TYW1: variants seen among roughly 807,000 people sequenced by gnomAD.
The protein encoded by TYW1 is tRNA-yW synthesizing protein 1 homolog.
TYW1 carries 46 observed loss-of-function variants against 96.2 expected under a neutral mutation model. The observed-to-expected ratio is 0.48, with a 90% CI of 0.38 to 0.61. The LOEUF (loss-of-function observed/expected upper bound fraction) is 0.61. Ranked by LOEUF, TYW1 falls within the 20% of genes least tolerant of loss-of-function variation. The pLI is 0.00. For missense variants in TYW1, 684 were observed against 909.6 expected, an observed-to-expected ratio of 0.75 and a Z score of 3.19; for synonymous variants, 274 against 323.0, an observed-to-expected ratio of 0.85 and a Z score of 1.63.
At chr7:67,065,967 A>G (rs1795848905) in intron 9 of TYW1, among the ~76,000 whole-genome samples, 1 of 151,502 alleles carries the variant, frequency 6.6e-6, no homozygotes, top group Non-Finnish European at 1.5e-5. Flanking sequence ...TTGAGATCAC[A>G]CTACTGCACT....
chr7:67,060,671 A>G (rs1795668537), intron 9 of TYW1, among the ~76,000 whole-genome samples: 1 of 152,210 alleles, frequency 6.6e-6, no homozygotes, highest in South Asian at 2.1e-4. Context: ...GGTTTTGTTA[A>G]CTCACCAGCA....
In TYW1 at chr7:67,081,060, G is replaced by A. The variant is rs189206953; in HGVS notation, c.1275-2370G>A. On this transcript the variant is annotated intron_variant, in intron 10 of 15. Coordinates refer to ENST00000359626, the MANE Select transcript of TYW1 (RefSeq NM_018264.4). ...CCTACCAGTGAGTTTATACTTTTGT[G>A]TATTTTCATGATGGTAATTATTCTT... Among the ~76,000 whole-genome samples the A allele has an allele frequency of 2.8e-4, 37 of 134,194 alleles. 1 individual carries two copies. The highest frequency in any genetic ancestry group is 8.8e-4 in the African/African-American group (32 of 36,446). The allele number at this position is 134,194 out of a possible 152,430, so 88.0% of individuals were successfully genotyped here. A position where few individuals can be genotyped will look rare whatever the true frequency, so the allele number is the denominator to read the frequency against.
chr7:67,136,685 G>GTGTGTGTGTGTGTGTGTGTA (rs1554373539), intron 13 of TYW1, among the ~76,000 whole-genome samples: 1 of 122,264 alleles, frequency 8.2e-6, no homozygotes, highest in East Asian at 2.1e-4. Context: ...GTGTGTGTGT[G>GTGTGTGTGTGTGTGTGTGTA]TATATATATA....
chr7:67,046,569 C>A (rs1389540476), intron 7 of TYW1, among the ~76,000 whole-genome samples: 2 of 152,098 alleles, frequency 1.3e-5, no homozygotes, highest in African/African-American at 4.8e-5. Context: ...TGAATAAATA[C>A]ACAAAAATAT....
intron 6 of TYW1, among the ~76,000 whole-genome samples, chr7:67,021,399 G>GT (rs1385197942): frequency 6.6e-6 from 1 of 152,264 alleles, no homozygotes; most frequent in Non-Finnish European, 1.5e-5. Context: ...GTAGCTGCAT[G>GT]CCTCCTGGTG....
chr7:67,116,625 A>C (rs1032749851), intron 12 of TYW1, among the ~76,000 whole-genome samples: 1 of 151,904 alleles, frequency 6.6e-6, no homozygotes, highest in Admixed American at 6.6e-5. Flanking sequence ...GGAGGTTGAG[A>C]CTGCAGTGAG....
At chr7:67,051,082 T>C (rs374543830) in intron 8 of TYW1, among the ~76,000 whole-genome samples, 1 of 152,120 alleles carries the variant, frequency 6.6e-6, no homozygotes, top group Non-Finnish European at 1.5e-5. Flanking sequence ...TTGGCCATGC[T>C]GGTCTTGAAC....
intron 13 of TYW1, among the ~76,000 whole-genome samples, chr7:67,127,639 CCTT>C (rs1385998697): frequency 4.0e-4 from 61 of 152,264 alleles, no homozygotes; most frequent in African/African-American, 1.4e-3. Flanking sequence ...TTATTTTACT[CCTT>C]CTCTGATGTT....
In TYW1 at chr7:67,180,181, A is replaced by T. The variant is rs560440871; in HGVS notation, c.1699-2945A>T. 2.6e-4 allele frequency among the ~76,000 whole-genome samples: 34 copies of T among 131,488 alleles called. 8 individuals carry two copies. The South Asian group carries it at 6.7e-3, about 26-fold the overall frequency. 86.3% of individuals were successfully genotyped at this position (131,488 alleles called of 152,430 possible). On this transcript the variant is annotated intron_variant, in intron 13 of 15. Coordinates refer to ENST00000359626, the MANE Select transcript of TYW1 (RefSeq NM_018264.4). Reference sequence around the variant, plus strand: ...AGAATATGCTTTCTCTTGAATTTTGAAATTGCTGATTGCTGGCATATAATA... The same window carrying T: ...AGAATATGCTTTCTCTTGAATTTTGTAATTGCTGATTGCTGGCATATAATA...
intron 11 of TYW1, among the ~76,000 whole-genome samples, chr7:67,098,276 G>C (rs1399431777): frequency 6.6e-6 from 1 of 152,200 alleles, no homozygotes; most frequent in Non-Finnish European, 1.5e-5. Context: ...GACTTATTCT[G>C]CATTCCAAAT....
intron 13 of TYW1, among the ~76,000 whole-genome samples, chr7:67,147,718 C>T (rs578198630): frequency 6.6e-6 from 1 of 152,142 alleles, no homozygotes; most frequent in South Asian, 2.1e-4. Context: ...AGGATAATGG[C>T]CTCCAGCTCC....
At chr7:67,208,370 T>C (rs1800880102) in intron 15 of TYW1, among the ~76,000 whole-genome samples, 1 of 151,244 alleles carries the variant, frequency 6.6e-6, no homozygotes, top group Non-Finnish European at 1.5e-5. Flanking sequence ...TACCACATAA[T>C]CCAAAATGTA....
At chr7:67,017,811 T>G (rs760803412) in intron 5 of TYW1, 42 bp from the exon 6 acceptor site, 10 of 1,573,988 alleles carry the variant, frequency 6.4e-6, no homozygotes, top group Non-Finnish European at 8.6e-6. Flanking sequence ...AAACCCTGAT[T>G]TAGAGAACCG....
intron 9 of TYW1, among the ~76,000 whole-genome samples, chr7:67,066,773 A>G (rs1795879833): frequency 6.6e-6 from 1 of 152,278 alleles, no homozygotes; most frequent in Admixed American, 6.5e-5. Flanking sequence ...GCTTGAACCC[A>G]GGAGTTGGAG....
chr7:67,077,988 A>G (rs556948034), intron 10 of TYW1, among the ~76,000 whole-genome samples: 1 of 151,754 alleles, frequency 6.6e-6, no homozygotes, highest in East Asian at 1.9e-4. Context: ...AAATATTTGG[A>G]TTTATTTCTG....
At chr7:67,096,246 C>A (rs1276595860) in intron 11 of TYW1, among the ~76,000 whole-genome samples, 1 of 151,968 alleles carries the variant, frequency 6.6e-6, no homozygotes, top group Non-Finnish European at 1.5e-5. Context: ...AAAAATTAGC[C>A]GGGCATGGTG....
At position 67,029,415 on chromosome 7, in the gene TYW1, G is replaced by GTATATATA. The variant is rs55802244; in HGVS notation, c.984+4404_984+4411dup. 4.4e-3 allele frequency among the ~76,000 whole-genome samples: 417 copies of GTATATATA among 94,330 alleles called. 17 individuals carry two copies. The highest frequency in any genetic ancestry group is 8.0e-3 in the South Asian group (24 of 3,008). 61.9% of individuals were successfully genotyped at this position (94,330 alleles called of 152,430 possible). ...TGTGTGTGTGTGTGTGTGTGTGTGT[G>GTATATATA]TATATATATATATATATAAATAGTA... On this transcript the variant is annotated intron_variant, in intron 7 of 15. Transcript: ENST00000359626.
chr7:67,093,903 C>T (rs1222688584), intron 11 of TYW1, among the ~76,000 whole-genome samples: 7 of 152,248 alleles, frequency 4.6e-5, no homozygotes, highest in East Asian at 3.9e-4. Context: ...TTATTTACAT[C>T]GGTGTATTGT....
intron 7 of TYW1, among the ~76,000 whole-genome samples, chr7:67,027,240 A>G (rs868216574): frequency 2.6e-5 from 4 of 152,090 alleles, no homozygotes; most frequent in Non-Finnish European, 4.4e-5. Flanking sequence ...TAGCTTGTAT[A>G]TATGTCAGAA....
Sources: allele counts gnomAD v4.1 joint callset (sites outside exome capture counted in the v4.1 genomes callset), GRCh38; gene constraint gnomAD v4.1.1; transcripts MANE v1.5; gene names NCBI Gene and HGNC (gene_info 2026-07-23, HGNC 2026-07-21).